The following OTUD7A variants were observed in gnomAD, a reference collection of about 807,000 sequenced individuals.
OTUD7A encodes OTU deubiquitinase 7A.
In OTUD7A, 12 loss-of-function variants were observed where a neutral mutation model predicts 65.7. The ratio of observed to expected loss-of-function variants is 0.18; its 90% CI spans 0.12 to 0.30. OTUD7A has a LOEUF of 0.30. OTUD7A is among the 10% of genes least tolerant of loss of function. The pLI, the probability that OTUD7A is intolerant of heterozygous loss-of-function variation, is 1.00. For missense variants in OTUD7A, 1,148 were observed against 1,304.8 expected (o/e 0.88, Z 1.85); for synonymous variants, 641 against 586.3 (o/e 1.09, Z -1.35).
chr15:31,643,191 C>T (rs1468143165), intron 3 of OTUD7A, among the ~76,000 whole-genome samples: 1 of 152,056 alleles, frequency 6.6e-6, no homozygotes, highest in Non-Finnish European at 1.5e-5. Flanking sequence ...CATTATGTAG[C>T]CCAGGCTAGC....
At chr15:31,775,656 G>A (rs909159542) in intron 1 of OTUD7A, among the ~76,000 whole-genome samples, 27 of 152,194 alleles carry the variant, frequency 1.8e-4, no homozygotes, top group African/African-American at 5.6e-4. Flanking sequence ...CCCCACAGAG[G>A]ATACTACTCT....
chr15:31,807,557 G>A (rs1386357152), intron 1 of OTUD7A, among the ~76,000 whole-genome samples: 1 of 152,106 alleles, frequency 6.6e-6, no homozygotes, highest in Non-Finnish European at 1.5e-5. Context: ...AAGATCCCCA[G>A]CTCCAGTTTT....
At chr15:31,774,899 C>A (rs145414657) in intron 1 of OTUD7A, among the ~76,000 whole-genome samples, 133 of 149,932 alleles carry the variant, frequency 8.9e-4, no homozygotes, top group African/African-American at 2.9e-3. Flanking sequence ...CTGGCCTTCT[C>A]GTGGGGGTCA....
intron 8 of OTUD7A, among the ~76,000 whole-genome samples, chr15:31,515,922 A>C (rs2041845275): frequency 7.6e-6 from 1 of 131,770 alleles, no homozygotes; most frequent in Non-Finnish European, 1.6e-5. Context: ...ATCCACCCAC[A>C]TGTACCTCTA....
chr15:31,825,293 G>A (rs555671646), intron 1 of OTUD7A, among the ~76,000 whole-genome samples: 1 of 152,346 alleles, frequency 6.6e-6, no homozygotes, highest in Admixed American at 6.5e-5. Context: ...CCATGTGGCT[G>A]GGGAAGCCCC....
chr15:31,821,133 C>CTTTTTTTT (rs35732957), intron 1 of OTUD7A, among the ~76,000 whole-genome samples: 29 of 97,448 alleles, frequency 3.0e-4, no homozygotes, highest in South Asian at 7.9e-4. Flanking sequence ...TTTTTCATTT[C>CTTTTTTTT]TTTTTTTTTT....
At chr15:31,541,270 C>T (rs574559890) in intron 5 of OTUD7A, among the ~76,000 whole-genome samples, 1 of 152,242 alleles carries the variant, frequency 6.6e-6, no homozygotes, top group Admixed American at 6.5e-5. Context: ...TAAGGAAAGA[C>T]CTGGCCTTTA....
intron 3 of OTUD7A, among the ~76,000 whole-genome samples, chr15:31,581,141 C>A (rs1196653729): frequency 1.3e-5 from 2 of 152,212 alleles, no homozygotes; most frequent in Non-Finnish European, 2.9e-5. Context: ...GCAGGGCAGT[C>A]AAATCTTAAA....
intron 1 of OTUD7A, among the ~76,000 whole-genome samples, chr15:31,738,737 T>C (rs1049817997): frequency 6.6e-6 from 1 of 152,154 alleles, no homozygotes; most frequent in African/African-American, 2.4e-5. Context: ...GGCCCCAAAA[T>C]GATTGTTTCT....
chr15:31,817,179 G>A (rs1384490934), intron 1 of OTUD7A, among the ~76,000 whole-genome samples: 2 of 151,776 alleles, frequency 1.3e-5, no homozygotes, highest in East Asian at 1.9e-4. Context: ...TATTTCAACC[G>A]GGTGGCTCCC....
intron 3 of OTUD7A, among the ~76,000 whole-genome samples, chr15:31,595,907 C>G (rs1889890556): frequency 6.6e-6 from 1 of 152,024 alleles, no homozygotes; most frequent in African/African-American, 2.4e-5. Context: ...GCCCCTTTCT[C>G]CATCCCCAAG....
Position 31,498,109 on chromosome 15 carries a change from T to C in OTUD7A, c.1171+3581A>G, listed in dbSNP as rs566544696. On this transcript the variant is annotated intron_variant, in intron 10 of 12. Coordinates refer to ENST00000307050, the MANE Select transcript of OTUD7A (RefSeq NM_001382637.1). This position sits in a 1 kb window ranked among gnomAD's most constrained non-coding sequence, Gnocchi z 4.2. ...CTGTGGAGATGGGCAAGGCTGTGCT[T>C]GGCTTGTTTGGGACTTTACCAAGAG... Among the ~76,000 whole-genome samples, 1 of 152,292 alleles carries C rather than the reference T, an allele frequency of 6.6e-6. No homozygotes were observed. The highest frequency in any genetic ancestry group is 2.1e-4 in the South Asian group (1 of 4,824).
intron 1 of OTUD7A, among the ~76,000 whole-genome samples, chr15:31,845,540 C>T (rs1028076225): frequency 3.9e-5 from 6 of 152,240 alleles, no homozygotes; most frequent in Non-Finnish European, 4.4e-5. Flanking sequence ...ACAGAGGATC[C>T]GGCTCTGGGC....
intron 1 of OTUD7A, among the ~76,000 whole-genome samples, chr15:31,828,076 G>T (rs1477739743): frequency 6.6e-6 from 1 of 152,098 alleles, no homozygotes. Context: ...CATCATTTTG[G>T]TTTTTTCTTT....
At chr15:31,694,465 GTTTAC>G (rs768948274) in intron 1 of OTUD7A, among the ~76,000 whole-genome samples, 1 of 151,888 alleles carries the variant, frequency 6.6e-6, no homozygotes, top group Non-Finnish European at 1.5e-5. Flanking sequence ...TGTAACACCA[GTTTAC>G]TTTATTATTA....
At chr15:31,634,761 C>A (rs370241849) in intron 3 of OTUD7A, among the ~76,000 whole-genome samples, 1 of 152,274 alleles carries the variant, frequency 6.6e-6, no homozygotes, top group East Asian at 1.9e-4. Flanking sequence ...CTGCCCCACA[C>A]AGAAACCGCC....
chr15:31,825,242 C>T (rs149942519), intron 1 of OTUD7A, among the ~76,000 whole-genome samples: 9 of 152,284 alleles, frequency 5.9e-5, no homozygotes, highest in East Asian at 1.9e-4. Flanking sequence ...CCTGAGACTG[C>T]GCAATTTACA....
chr15:31,652,130 G>C (rs907495146), intron 3 of OTUD7A, among the ~76,000 whole-genome samples: 6 of 151,804 alleles, frequency 4.0e-5, no homozygotes, highest in African/African-American at 1.5e-4. Flanking sequence ...GTTGATAAAA[G>C]AACAGACATA....
intron 5 of OTUD7A, 150 bp from the exon 6 acceptor site, chr15:31,530,958 A>T (rs985177432): frequency 1.8e-5 from 10 of 549,286 alleles, no homozygotes; most frequent in African/African-American, 1.5e-4. Context: ...CCTCAAATAA[A>T]ATATAGATTT....
Sources: allele counts gnomAD v4.1 joint callset (sites outside exome capture counted in the v4.1 genomes callset), GRCh38; gene constraint gnomAD v4.1.1; non-coding constraint Gnocchi (gnomAD v3.1); transcripts MANE v1.5; gene names NCBI Gene and HGNC (gene_info 2026-07-23, HGNC 2026-07-21).